Variants in DRC11L observed in about 807,000 individuals in gnomAD.
DRC11L encodes the protein dynein regulatory complex subunit like-11.
the DRC11L span, chr7:151,203,527 G>A: frequency 2.5e-6 from 1 of 398,968 alleles, no homozygotes; most frequent in East Asian, 3.6e-5. Context: ...TTGGAGCAAT[G>A]TTGGGGGAGG....
At chr7:151,194,137 C>T in the DRC11L span, 1 of 389,710 alleles carries the variant, frequency 2.6e-6, no homozygotes, top group South Asian at 1.4e-4. Flanking sequence ...GGCAGGAGGA[C>T]CTGGGGCTTG....
At chr7:151,197,377 A>G in the DRC11L span, 1 of 399,010 alleles carries the variant, frequency 2.5e-6, no homozygotes, top group Middle Eastern at 6.3e-4. Flanking sequence ...GGGATTTTAC[A>G]GAAGAGAGCC....
the DRC11L span, chr7:151,196,318 G>T: frequency 1.0e-5 from 4 of 397,300 alleles, no homozygotes; most frequent in East Asian, 3.6e-5. Context: ...GGGGACTGGG[G>T]TTGGGTGTTC....
the DRC11L span, chr7:151,197,832 G>T: frequency 5.0e-6 from 2 of 399,144 alleles, no homozygotes; most frequent in Non-Finnish European, 8.8e-6. Context: ...CTGTTCTGGC[G>T]TTTTGTCTGC....
At chr7:151,191,108 G>C in the DRC11L span, 2 of 399,198 alleles carry the variant, frequency 5.0e-6, no homozygotes, top group Non-Finnish European at 8.8e-6. Context: ...GGGTACAGGA[G>C]TGGTAAGGCC....
At chr7:151,200,895 C>G in the DRC11L span, among the ~76,000 whole-genome samples, 31 of 152,216 alleles carry the variant, frequency 2.0e-4, no homozygotes, top group Non-Finnish European at 4.6e-4. Context: ...CAACTGAGGC[C>G]GGAGACTGGA....
the DRC11L span, among the ~76,000 whole-genome samples, chr7:151,204,150 A>G: frequency 6.6e-6 from 1 of 152,082 alleles, no homozygotes; most frequent in Admixed American, 6.5e-5. Context: ...CTCCTCACCA[A>G]TTCCCTGCGG....
chr7:151,198,208 G>A, the DRC11L span, among the ~76,000 whole-genome samples: 3 of 151,182 alleles, frequency 2.0e-5, no homozygotes, highest in African/African-American at 2.4e-5. Flanking sequence ...GTGGGTAGGT[G>A]GGTGGGTGGA....
At chr7:151,195,594 CT>C in the DRC11L span, 2 of 367,270 alleles carry the variant, frequency 5.4e-6, no homozygotes, top group African/African-American at 2.2e-5. Context: ...CCTCAGGGGT[CT>C]TTCTTCCTCC....
At chr7:151,203,416 C>T in the DRC11L span, 4 of 399,242 alleles carry the variant, frequency 1.0e-5, no homozygotes, top group Non-Finnish European at 1.3e-5. Context: ...ACACTGGCTC[C>T]AGTCTGGACA....
chr7:151,191,351 G>A, the DRC11L span, among the ~76,000 whole-genome samples: 19 of 152,012 alleles, frequency 1.2e-4, no homozygotes, highest in Non-Finnish European at 1.9e-4. Context: ...GCACTGACTC[G>A]GGGGTGGGAA....
the DRC11L span, chr7:151,197,025 G>C: frequency 5.0e-6 from 2 of 399,376 alleles, no homozygotes; most frequent in East Asian, 3.6e-5. Context: ...CATTTGGATG[G>C]CAACACTTGC....
chr7:151,192,411 G>T, the DRC11L span: 41 of 399,472 alleles, frequency 1.0e-4, no homozygotes, highest in African/African-American at 8.0e-4. Flanking sequence ...GTCAGCAGCC[G>T]CAAGGCCTTG....
the DRC11L span, chr7:151,193,303 A>G: frequency 5.0e-6 from 2 of 399,484 alleles, no homozygotes. Context: ...TAAAGACTAT[A>G]TGCACCATCA....
At chr7:151,204,884 G>T in the DRC11L span, 2 of 399,094 alleles carry the variant, frequency 5.0e-6, no homozygotes, top group South Asian at 1.3e-4. Context: ...ACGGAGGAGT[G>T]GGGAGACGGA....
At chr7:151,196,321 G>C in the DRC11L span, 1 of 397,560 alleles carries the variant, frequency 2.5e-6, no homozygotes, top group Non-Finnish European at 4.4e-6. Context: ...GACTGGGGTT[G>C]GGTGTTCAGG....
the DRC11L span, chr7:151,205,409 C>G: frequency 2.5e-6 from 1 of 399,306 alleles, no homozygotes; most frequent in African/African-American, 2.1e-5. Context: ...TTTGCTGTCT[C>G]TGCCCTGGGA....
the DRC11L span, chr7:151,204,667 A>G: frequency 7.5e-6 from 3 of 399,038 alleles, no homozygotes; most frequent in East Asian, 1.1e-4. Context: ...ATCTGGTCAT[A>G]GACGGTGTCG....
chr7:151,200,494 C>T, the DRC11L span: 2 of 399,328 alleles, frequency 5.0e-6, no homozygotes, highest in Non-Finnish European at 4.4e-6. Flanking sequence ...ACACACAGGA[C>T]ACACAGTCTC....
Sources: allele counts gnomAD v4.1 joint callset (sites outside exome capture counted in the v4.1 genomes callset), GRCh38; gene constraint gnomAD v4.1.1; transcripts MANE v1.5; gene names NCBI Gene and HGNC (gene_info 2026-07-23, HGNC 2026-07-21).